HACD3: variants seen among roughly 807,000 people sequenced by gnomAD.
HACD3 encodes 3-hydroxyacyl-CoA dehydratase 3.
Under a neutral mutation model 55.2 loss-of-function variants are expected in HACD3, and 30 were observed. That is an observed-to-expected ratio of 0.54 (90% CI 0.41 to 0.74). HACD3 has a LOEUF of 0.74. HACD3 is among the 30% of genes least tolerant of loss of function. The probability of loss-of-function intolerance (pLI) is 0.00; values close to 1 mark genes in which losing one functional copy is unlikely to be tolerated. For missense variants in HACD3, 363 were observed against 440.1 expected, an observed-to-expected ratio of 0.82 and a Z score of 1.57; for synonymous variants, 141 against 151.7, an observed-to-expected ratio of 0.93 and a Z score of 0.52.
At chr15:65,542,910 C>T (rs2072035487) in intron 1 of HACD3, among the ~76,000 whole-genome samples, 1 of 151,880 alleles carries the variant, frequency 6.6e-6, no homozygotes, top group South Asian at 2.1e-4. Flanking sequence ...CCTGTCTCTA[C>T]TAAAAATACA....
intron 5 of HACD3, among the ~76,000 whole-genome samples, chr15:65,559,814 G>T (rs1393367617): frequency 6.6e-6 from 1 of 152,056 alleles, no homozygotes; most frequent in African/African-American, 2.4e-5. Context: ...TAATGTTTTG[G>T]TGTCTTAAAG....
chr15:65,546,520 C>T (rs972942625), intron 1 of HACD3, among the ~76,000 whole-genome samples: 7 of 152,122 alleles, frequency 4.6e-5, no homozygotes, highest in African/African-American at 1.7e-4. Flanking sequence ...AGGCTACCCC[C>T]ACCCTAAAAA....
chr15:65,560,048 T>G (rs2072229916), intron 5 of HACD3, among the ~76,000 whole-genome samples: 2 of 138,586 alleles, frequency 1.4e-5, no homozygotes, highest in Admixed American at 7.1e-5. Context: ...GGCTGTGTTG[T>G]TTTTTTTTTT....
At position 65,561,248 on chromosome 15, in the gene HACD3, C is replaced by T. The variant is rs553033883; in HGVS notation, c.422-1526C>T. On this transcript the variant is annotated intron_variant, in intron 5 of 10. Transcript: ENST00000261875. Reference sequence around the variant, plus strand: ...TTGGGAGGCCAAGGTGGGCAGATCACCTGAGGTTAGGAGTTTAAGACCACC... The same window carrying T: ...TTGGGAGGCCAAGGTGGGCAGATCATCTGAGGTTAGGAGTTTAAGACCACC... Among the ~76,000 whole-genome samples, 17 of 152,198 alleles carry T rather than the reference C, an allele frequency of 1.1e-4. No individual in the cohort carries two copies. The South Asian group carries it at 3.5e-3, about 32-fold the overall frequency.
At chr15:65,534,047 T>C (rs2071930138) in intron 1 of HACD3, among the ~76,000 whole-genome samples, 2 of 47,642 alleles carry the variant, frequency 4.2e-5, no homozygotes, top group South Asian at 1.8e-3. Context: ...CGAGACTCCG[T>C]CTCAAAAAAA....
intron 1 of HACD3, among the ~76,000 whole-genome samples, chr15:65,536,055 C>G (rs568498318): frequency 9.3e-4 from 141 of 152,046 alleles, no homozygotes; most frequent in African/African-American, 3.4e-3. Context: ...CTCACTCTGT[C>G]ACCCAGGCTG....
chr15:65,566,212 C>T (rs986956544), intron 7 of HACD3: 1 of 152,472 alleles, frequency 6.6e-6, no homozygotes, highest in South Asian at 2.1e-4. Context: ...ATTTTCCTAT[C>T]TTCTTCTGAG....
rs1408760633 is a variant in HACD3, at chr15:65,554,878, T to C, written c.131-9T>C. 12 of 1,606,812 alleles carry C rather than the reference T, an allele frequency of 7.5e-6. No individual in the cohort carries two copies. The highest frequency in any genetic ancestry group is 1.7e-5 in the Admixed American group (1 of 59,996). On this transcript the variant is annotated splice_polypyrimidine_tract_variant and intron_variant, in intron 2 of 10. Transcript: ENST00000261875. ...AAGTTTGCAGTAACCCACATTTCTT[T>C]CTTTATAGCTCAAGGACATGGTGCC...
intron 6 of HACD3, 27 bp downstream of exon 6, chr15:65,562,911 T>C: frequency 6.2e-7 from 1 of 1,610,706 alleles, no homozygotes; most frequent in Non-Finnish European, 8.5e-7. Flanking sequence ...TGGATTAATT[T>C]TCCCTTTCTC....
chr15:65,562,842 A>G lies in HACD3; in HGVS notation c.490A>G (p.Ile164Val). Residue 164 changes from isoleucine to valine, a missense_variant, in exon 6 of 11, where the codon ATC (isoleucine) becomes GTC (valine). By Grantham distance (29) the Ile-to-Val change is conservative. Coordinates refer to ENST00000261875, the MANE Select transcript of HACD3 (RefSeq NM_016395.4). Reference protein sequence around the residue: ...NLVQFLGFSWIFVNLTVRFCI... With the variant: ...NLVQFLGFSWVFVNLTVRFCI... The stretch of plus-strand genomic sequence containing the variant: ...TGTGCAATTCTTGGGATTCTCCTGG[A>G]TCTTTGTCAACCTGACTGTGCGATT... 1 of 1,613,934 alleles carries G rather than the reference A, an allele frequency of 6.2e-7. No homozygotes were observed. Among genetic ancestry groups the G allele is most frequent in the Non-Finnish European group, 8.5e-7 (1 of 1,179,876 alleles).
Position 65,572,217 on chromosome 15 carries a change from T to A in HACD3, c.881-18T>A, listed in dbSNP as rs751999304. 1.2e-6 allele frequency: 2 copies of A among 1,610,406 alleles called. No homozygotes were observed. The highest frequency in any genetic ancestry group is 4.5e-5 in the East Asian group (2 of 44,848). On this transcript the variant is annotated intron_variant, in intron 9 of 10. Coordinates refer to ENST00000261875, the MANE Select transcript of HACD3 (RefSeq NM_016395.4). ...ACTGTTTCATTTGCTTCTAACAAGT[T>A]CTTGTTTCTGTTTTCAGCTGTCTCA...
chr15:65,557,213 C>T lies in HACD3; in HGVS notation c.369+310C>T, dbSNP rs2072200869. ...ACATACGGCCGGGCACGGTGGCTCA[C>T]GCCTGTAATCCCAGCACTTTGGGAG... On this transcript the variant is annotated intron_variant, in intron 4 of 10. Coordinates refer to ENST00000261875, the MANE Select transcript of HACD3 (RefSeq NM_016395.4). Among the ~76,000 whole-genome samples the T allele has an allele frequency of 2.6e-5, 4 of 152,286 alleles. No homozygotes were observed. The South Asian group carries it at 8.3e-4, about 32-fold the overall frequency.
chr15:65,554,270 C>T (rs2072164650), intron 2 of HACD3, among the ~76,000 whole-genome samples: 1 of 152,172 alleles, frequency 6.6e-6, no homozygotes, highest in African/African-American at 2.4e-5. Flanking sequence ...TTTTTCCTGC[C>T]TGTTATTTGT....
chr15:65,577,019 G>C lies in HACD3; in HGVS notation c.*640G>C, dbSNP rs1205713143. ...GCATTGAAGAGGCGCAGAATGCTTT[G>C]AAAGAAACTAATCAGAATCTTGGAA... On this transcript the variant is annotated 3_prime_UTR_variant, in exon 11 of 11. Transcript: ENST00000261875. 1 of 152,174 alleles carries C rather than the reference G, an allele frequency of 6.6e-6. No homozygotes were observed. Among genetic ancestry groups the C allele is most frequent in the Non-Finnish European group, 1.5e-5 (1 of 68,030 alleles). 9.4% of individuals were successfully genotyped at this position (152,174 alleles called of 1,614,324 possible).
At chr15:65,535,849 A>G in intron 1 of HACD3, 1 of 581,992 alleles carries the variant, frequency 1.7e-6, no homozygotes, top group African/African-American at 1.9e-5. Context: ...CTGCCTAGCT[A>G]ATTTTCAATT....
intron 10 of HACD3, 35 bp downstream of exon 10, chr15:65,572,401 G>C (rs1349363651): frequency 1.3e-6 from 2 of 1,505,644 alleles, no homozygotes; most frequent in Non-Finnish European, 1.8e-6. Flanking sequence ...ACTTTTTCTT[G>C]TCACTTCTTA....
intron 1 of HACD3, 138 bp downstream of exon 1, chr15:65,530,856 G>A: frequency 1.2e-6 from 1 of 812,160 alleles, no homozygotes; most frequent in Non-Finnish European, 1.8e-6. Flanking sequence ...GTGCGCTTAC[G>A]GCGTGCTGGC....
At chr15:65,537,946 AAAAAAAAAAAAAATATATATATAT>A (rs1220505340) in intron 1 of HACD3, among the ~76,000 whole-genome samples, 714 of 53,480 alleles carry the variant, frequency 0.013, 9 homozygotes, top group Middle Eastern at 0.034. Flanking sequence ...AAAAAAAAAA[AAAAAAAAAAAAAATATATATATAT>A]ATATATATAT....
intron 1 of HACD3, among the ~76,000 whole-genome samples, chr15:65,532,268 A>C (rs144405568): frequency 2.4e-4 from 37 of 152,112 alleles, no homozygotes; most frequent in African/African-American, 8.7e-4. Context: ...AAAACAAACA[A>C]AATCTTTTGT....
Sources: allele counts gnomAD v4.1 joint callset (sites outside exome capture counted in the v4.1 genomes callset), GRCh38; gene constraint gnomAD v4.1.1; transcripts MANE v1.5; gene names NCBI Gene and HGNC (gene_info 2026-07-23, HGNC 2026-07-21).